NEK11: variants seen among roughly 807,000 people sequenced by gnomAD.
NEK11 encodes the protein NIMA related kinase 11.
A neutral mutation model predicts 80.7 loss-of-function variants in NEK11; 72 were observed. That is an observed-to-expected ratio of 0.89 (90% CI 0.74 to 1.08). NEK11 has a LOEUF of 1.08. Ranked by LOEUF, NEK11 falls within the 50% of genes least tolerant of loss-of-function variation. The probability of loss-of-function intolerance (pLI) is 0.00; values close to 1 mark genes in which losing one functional copy is unlikely to be tolerated. For missense variants in NEK11, 764 were observed against 763.6 expected (o/e 1.00, Z -0.01); for synonymous variants, 251 against 260.7 (o/e 0.96, Z 0.36).
intron 10 of NEK11, among the ~76,000 whole-genome samples, chr3:131,156,470 T>A (rs2149857415): frequency 6.6e-6 from 1 of 152,308 alleles, no homozygotes; most frequent in East Asian, 1.9e-4. Flanking sequence ...GTGCCTTCCC[T>A]CTGAAGACTT....
intron 17 of NEK11, among the ~76,000 whole-genome samples, chr3:131,347,983 A>G (rs2097391136): frequency 1.3e-5 from 2 of 152,276 alleles, no homozygotes; most frequent in Non-Finnish European, 2.9e-5. Flanking sequence ...AGAAAAAGTA[A>G]TATTTCTTCA....
chr3:131,080,909 A>G (rs370442136), intron 4 of NEK11, among the ~76,000 whole-genome samples: 5 of 152,242 alleles, frequency 3.3e-5, no homozygotes, highest in African/African-American at 1.2e-4. Context: ...GGAGTTCGAG[A>G]CCAGACTAGG....
intron 16 of NEK11, among the ~76,000 whole-genome samples, chr3:131,265,914 G>T (rs2096046573): frequency 6.6e-6 from 1 of 152,150 alleles, no homozygotes; most frequent in South Asian, 2.1e-4. Context: ...TCTATTCAGG[G>T]ATTTAACTTC....
chr3:131,249,269 A>G (rs2095658458), intron 16 of NEK11, among the ~76,000 whole-genome samples: 1 of 152,122 alleles, frequency 6.6e-6, no homozygotes, highest in African/African-American at 2.4e-5. Flanking sequence ...TATATAGGAA[A>G]GAAGGGAAGG....
chr3:131,129,132 G>C (rs2083927270), intron 5 of NEK11, among the ~76,000 whole-genome samples: 1 of 135,372 alleles, frequency 7.4e-6, no homozygotes, highest in South Asian at 2.6e-4. Context: ...CTCACTGCAA[G>C]CTCCACCTCC....
intron 17 of NEK11, among the ~76,000 whole-genome samples, chr3:131,291,326 T>C (rs146371867): frequency 9.2e-5 from 14 of 152,330 alleles, no homozygotes; most frequent in African/African-American, 3.4e-4. Flanking sequence ...TATCCATTCA[T>C]CTGCTGAAGG....
At chr3:131,265,510 A>C (rs564854901) in intron 16 of NEK11, among the ~76,000 whole-genome samples, 1 of 152,278 alleles carries the variant, frequency 6.6e-6, no homozygotes, top group African/African-American at 2.4e-5. Context: ...TAAGTAATGG[A>C]TTACTTTTAT....
chr3:131,164,585 T>C (rs1027867271), intron 11 of NEK11, among the ~76,000 whole-genome samples: 3 of 152,166 alleles, frequency 2.0e-5, no homozygotes, highest in African/African-American at 7.2e-5. Flanking sequence ...TAATAACATA[T>C]ACAGATTACA....
intron 15 of NEK11, among the ~76,000 whole-genome samples, chr3:131,229,666 G>A (rs928804170): frequency 9.9e-5 from 15 of 151,986 alleles, no homozygotes; most frequent in African/African-American, 3.4e-4. Flanking sequence ...TAAAGATTAT[G>A]TGTCATAATA....
At chr3:131,128,553 G>C (rs570833212) in intron 5 of NEK11, among the ~76,000 whole-genome samples, 1 of 152,172 alleles carries the variant, frequency 6.6e-6, no homozygotes, top group African/African-American at 2.4e-5. Flanking sequence ...TAACCATTCC[G>C]CTACTGAAGG....
intron 17 of NEK11, among the ~76,000 whole-genome samples, chr3:131,333,271 G>A (rs965377735): frequency 1.4e-4 from 22 of 151,882 alleles, no homozygotes; most frequent in East Asian, 5.8e-4. Flanking sequence ...CGGATCTCTC[G>A]GCAGAAACTC....
At chr3:131,166,184 C>G (rs1220152763) in intron 12 of NEK11, among the ~76,000 whole-genome samples, 1 of 152,206 alleles carries the variant, frequency 6.6e-6, no homozygotes, top group Non-Finnish European at 1.5e-5. Context: ...AACCTCATAG[C>G]ACTTCAGGTA....
intron 17 of NEK11, among the ~76,000 whole-genome samples, chr3:131,334,631 AG>A (rs751906867): frequency 2.2e-4 from 33 of 151,924 alleles, no homozygotes; most frequent in Non-Finnish European, 4.3e-4. Context: ...GCAGAACTGA[AG>A]GAAATAGAGA....
intron 17 of NEK11, among the ~76,000 whole-genome samples, chr3:131,293,574 T>G (rs1016186691): frequency 1.3e-5 from 2 of 152,086 alleles, no homozygotes; most frequent in Non-Finnish European, 2.9e-5. Context: ...TCTTTGGTTT[T>G]GGTTTTTATT....
At chr3:131,145,823 T>C (rs1320598518) in intron 7 of NEK11, among the ~76,000 whole-genome samples, 1 of 152,048 alleles carries the variant, frequency 6.6e-6, no homozygotes, top group East Asian at 1.9e-4. Flanking sequence ...ATCTGAAAAA[T>C]GGGAATAATA....
intron 14 of NEK11, among the ~76,000 whole-genome samples, chr3:131,228,176 C>T (rs1033172035): frequency 6.6e-6 from 1 of 152,142 alleles, no homozygotes; most frequent in Non-Finnish European, 1.5e-5. Context: ...ACCCTTCAGC[C>T]AGGACATCTT....
intron 14 of NEK11, among the ~76,000 whole-genome samples, chr3:131,181,038 C>A (rs898005433): frequency 1.3e-5 from 2 of 152,152 alleles, no homozygotes; most frequent in Non-Finnish European, 2.9e-5. Context: ...CCTTAAAATC[C>A]TGATGTCCTA....
chr3:131,333,271 G>C (rs965377735), intron 17 of NEK11, among the ~76,000 whole-genome samples: 13 of 151,766 alleles, frequency 8.6e-5, no homozygotes. Context: ...CGGATCTCTC[G>C]GCAGAAACTC....
chr3:131,318,147 G>A (rs1441497252), intron 17 of NEK11, among the ~76,000 whole-genome samples: 1 of 152,102 alleles, frequency 6.6e-6, no homozygotes, highest in African/African-American at 2.4e-5. Flanking sequence ...AAGAAAAATT[G>A]AAGGAAGGTG....
Sources: allele counts gnomAD v4.1 joint callset (sites outside exome capture counted in the v4.1 genomes callset), GRCh38; gene constraint gnomAD v4.1.1; transcripts MANE v1.5; gene names NCBI Gene and HGNC (gene_info 2026-07-23, HGNC 2026-07-21).